The following ADARB1 variants were observed in gnomAD, a reference collection of about 807,000 sequenced individuals.
ADARB1 encodes the protein double-stranded RNA-specific editase 1.
ADARB1 carries 10 observed loss-of-function variants against 52.4 expected under a neutral mutation model. The observed-to-expected ratio is 0.19, with a 90% CI of 0.12 to 0.32. The LOEUF (loss-of-function observed/expected upper bound fraction) is 0.32. ADARB1 is among the 10% of genes least tolerant of loss of function. The pLI, the probability that ADARB1 is intolerant of heterozygous loss-of-function variation, is 1.00. For missense variants in ADARB1, 643 were observed against 922.3 expected, an observed-to-expected ratio of 0.70 and a Z score of 3.92; for synonymous variants, 349 against 371.1, an observed-to-expected ratio of 0.94 and a Z score of 0.68.
At chr21:45,186,571 C>A (rs985253965) in intron 8 of ADARB1, among the ~76,000 whole-genome samples, 1 of 152,216 alleles carries the variant, frequency 6.6e-6, no homozygotes, top group African/African-American at 2.4e-5. Context: ...AAACTGATAT[C>A]TTCATAGTTT....
chr21:45,168,627 T>C (rs1426241421), intron 2 of ADARB1, among the ~76,000 whole-genome samples: 3 of 152,176 alleles, frequency 2.0e-5, no homozygotes, highest in Non-Finnish European at 4.4e-5. Context: ...GTATTCGGGG[T>C]TCTCTGTGCT....
At chr21:45,182,901 C>T (rs940005264) in intron 6 of ADARB1, 148 bp downstream of exon 6, 1 of 732,478 alleles carries the variant, frequency 1.4e-6, no homozygotes, top group South Asian at 2.1e-5. Flanking sequence ...GGCTGCATCC[C>T]ATTCTTCCAC....
intron 1 of ADARB1, among the ~76,000 whole-genome samples, chr21:45,087,107 T>C (rs890838208): frequency 1.1e-4 from 17 of 152,302 alleles, no homozygotes; most frequent in African/African-American, 3.6e-4. Context: ...CCCCCACTTA[T>C]CAGAAGAGGA....
intron 1 of ADARB1, among the ~76,000 whole-genome samples, chr21:45,105,543 C>T (rs542605452): frequency 6.7e-4 from 102 of 152,184 alleles, no homozygotes; most frequent in Non-Finnish European, 1.2e-3. Flanking sequence ...CTCATCTGTT[C>T]CTTCTCAGAT....
At chr21:45,088,621 G>A (rs918065552) in intron 1 of ADARB1, among the ~76,000 whole-genome samples, 16 of 152,244 alleles carry the variant, frequency 1.1e-4, no homozygotes, top group Non-Finnish European at 1.8e-4. Flanking sequence ...TACTTCAGGT[G>A]AGTTCCGCGG....
rs191745532 is a variant in ADARB1, at chr21:45,105,650, T to A, written c.-219-22752T>A. Among the ~76,000 whole-genome samples the A allele has an allele frequency of 2.0e-3, 309 of 152,332 alleles. 1 individual carries two copies. The highest frequency in any genetic ancestry group is 7.2e-3 in the African/African-American group (299 of 41,572). On this transcript the variant is annotated intron_variant, in intron 1 of 10. Coordinates refer to ENST00000348831, the MANE Select transcript of ADARB1 (RefSeq NM_001112.4). ...CACTAAAGCTAAAAGCATTCTAACA[T>A]TGTGTTGCTTTTATGTTCTTTACTA... is the stretch of plus-strand genomic sequence containing the variant.
chr21:45,163,589 T>C (rs2091095384), intron 2 of ADARB1, among the ~76,000 whole-genome samples: 1 of 151,560 alleles, frequency 6.6e-6, no homozygotes, highest in African/African-American at 2.4e-5. Flanking sequence ...GGCCCCCCAC[T>C]GGGGACGCTG....
chr21:45,144,259 T>C (rs946399105), intron 2 of ADARB1, among the ~76,000 whole-genome samples: 1 of 152,254 alleles, frequency 6.6e-6, no homozygotes, highest in African/African-American at 2.4e-5. Flanking sequence ...AAAATGCTTT[T>C]AAGAGTTTTC....
chr21:45,201,438 A>G (rs1447822789), intron 8 of ADARB1, among the ~76,000 whole-genome samples: 1 of 152,154 alleles, frequency 6.6e-6, no homozygotes, highest in Admixed American at 6.5e-5. Flanking sequence ...TGCCCAGAAG[A>G]CCTAATTCAG....
At chr21:45,094,841 T>C (rs1189473648) in intron 1 of ADARB1, among the ~76,000 whole-genome samples, 1 of 152,058 alleles carries the variant, frequency 6.6e-6, no homozygotes, top group African/African-American at 2.4e-5. Context: ...GTCATAACTG[T>C]GATGAAGGAA....
At chr21:45,188,701 G>C (rs551244178) in intron 8 of ADARB1, among the ~76,000 whole-genome samples, 1 of 152,070 alleles carries the variant, frequency 6.6e-6, no homozygotes, top group East Asian at 1.9e-4. Context: ...TGATAGGGAA[G>C]ACTTACTGTT....
At chr21:45,147,100 G>A (rs1447640650) in intron 2 of ADARB1, among the ~76,000 whole-genome samples, 1 of 152,164 alleles carries the variant, frequency 6.6e-6, no homozygotes, top group Admixed American at 6.5e-5. Context: ...ATGTGCTCTG[G>A]TGTTTTTGAG....
chr21:45,144,558 A>C, intron 2 of ADARB1: 1 of 422,882 alleles, frequency 2.4e-6, no homozygotes. Flanking sequence ...AATCGTTGCT[A>C]TTCTGCTTTG....
At position 45,183,506 on chromosome 21, in the gene ADARB1, G is replaced by C; in HGVS notation, c.1392G>C (p.Leu464=). Residue 464 remains leucine (L), a synonymous_variant, in exon 7 of 11, where the codon CTG becomes CTC. Coordinates refer to ENST00000348831, the MANE Select transcript of ADARB1 (RefSeq NM_001112.4). The part of the protein sequence containing the change: ...ARIFSPHEPI[L]EEPADRHPNR... The stretch of plus-strand genomic sequence containing the variant: ...TCTTCTCACCACATGAGCCAATCCT[G>C]GAAGGTATGAGACGAGATTCTTCAA... 6.2e-7 allele frequency: 1 copy of C among 1,611,788 alleles called. No homozygotes were observed. Among genetic ancestry groups the C allele is most frequent in the Non-Finnish European group, 8.5e-7 (1 of 1,179,384 alleles).
At chr21:45,156,609 A>G (rs1348561215) in intron 2 of ADARB1, among the ~76,000 whole-genome samples, 3 of 141,422 alleles carry the variant, frequency 2.1e-5, no homozygotes, top group African/African-American at 5.4e-5. Flanking sequence ...CCATCCATCC[A>G]CCCACCCACT....
rs1040953477 is a variant in ADARB1 at position 45,147,995 on chromosome 21, G to A, written c.-48+19422G>A. 5.9e-5 allele frequency among the ~76,000 whole-genome samples: 9 copies of A among 152,020 alleles called. No individual in the cohort carries two copies. In the South Asian group the frequency reaches 1.2e-3, roughly 21 times the overall value. ...CGTCGAGTGATGTGCAGGGCCTTGC[G>A]GTACAGCCCTCTCGAACTCACCCCA... On this transcript the variant is annotated intron_variant, in intron 2 of 10. Coordinates refer to ENST00000348831, the MANE Select transcript of ADARB1 (RefSeq NM_001112.4).
In ADARB1 at chr21:45,209,132, GA is replaced by G. The variant is rs200121155; in HGVS notation, c.1747+4400del. On this transcript the variant is annotated intron_variant, in intron 9 of 10. Coordinates refer to ENST00000348831, the MANE Select transcript of ADARB1 (RefSeq NM_001112.4). ...AATATTTGTAAAGATCCAAACTTGG[GA>G]AAAGCTGAAATATTGGGCTCATTTT... 5.5e-3 allele frequency among the ~76,000 whole-genome samples: 835 copies of G among 152,196 alleles called. 8 individuals are homozygous for G. The highest frequency in any genetic ancestry group is 0.023 in the East Asian group (117 of 5,168).
chr21:45,170,441 T>G (rs1374994340), intron 2 of ADARB1, among the ~76,000 whole-genome samples: 2 of 152,192 alleles, frequency 1.3e-5, no homozygotes, highest in African/African-American at 4.8e-5. Flanking sequence ...AAAATAATAA[T>G]GCTTTTAAAA....
intron 8 of ADARB1, among the ~76,000 whole-genome samples, chr21:45,185,354 G>A (rs781194917): frequency 2.3e-4 from 35 of 152,202 alleles, no homozygotes; most frequent in African/African-American, 4.1e-4. Context: ...TATTTTTAAC[G>A]TGGGCTTCTG....
Sources: gnomAD v4.1 joint callset for allele counts (sites outside exome capture counted in the v4.1 genomes callset) on GRCh38, gnomAD v4.1.1 for gene constraint, MANE v1.5 for transcripts, NCBI Gene and HGNC (gene_info 2026-07-23, HGNC 2026-07-21) for gene names.